Variants in RANBP2 observed in about 807,000 individuals in gnomAD.
The protein encoded by RANBP2 is E3 SUMO-protein ligase RanBP2.
Under a neutral mutation model 303.6 loss-of-function variants are expected in RANBP2, and 57 were observed. The ratio of observed to expected loss-of-function variants is 0.19; its 90% confidence interval spans 0.15 to 0.23. The LOEUF (loss-of-function observed/expected upper bound fraction) is 0.23. Ranked by LOEUF, RANBP2 falls within the 10% of genes least tolerant of loss-of-function variation. The pLI is 1.00. For missense variants in RANBP2, 3,138 were observed against 3,780.8 expected (o/e 0.83, Z 4.46); for synonymous variants, 1,167 against 1,301.5 (o/e 0.90, Z 2.23).
chr2:109,517,810 G>A, the RANBP2 span, among the ~76,000 whole-genome samples: 6 of 152,240 alleles, frequency 3.9e-5, no homozygotes. Flanking sequence ...CAAACACGAG[G>A]CCTGGTGTTC....
At chr2:108,949,063 G>A in the RANBP2 span, among the ~76,000 whole-genome samples, 1 of 152,148 alleles carries the variant, frequency 6.6e-6, no homozygotes, top group African/African-American at 2.4e-5. Context: ...CTGCAGTCTC[G>A]ACCTCCAGAG....
the RANBP2 span, among the ~76,000 whole-genome samples, chr2:109,302,483 C>T: frequency 6.6e-6 from 1 of 152,244 alleles, no homozygotes; most frequent in African/African-American, 2.4e-5. Context: ...CTCTTAGGGC[C>T]CCCATAGGGG....
chr2:108,846,326 C>T, the RANBP2 span, among the ~76,000 whole-genome samples: 1 of 152,080 alleles, frequency 6.6e-6, no homozygotes, highest in Admixed American at 6.6e-5. Flanking sequence ...ATATTTTCAA[C>T]TTTAAATTAG....
the RANBP2 span, among the ~76,000 whole-genome samples, chr2:109,098,108 A>T: frequency 6.6e-6 from 1 of 152,276 alleles, no homozygotes; most frequent in Admixed American, 6.5e-5. Context: ...TCAGGACTCT[A>T]TCACAGTTGT....
At chr2:109,134,752 A>C in the RANBP2 span, among the ~76,000 whole-genome samples, 1 of 152,202 alleles carries the variant, frequency 6.6e-6, no homozygotes, top group Non-Finnish European at 1.5e-5. Flanking sequence ...TGGTAGCACG[A>C]TTCTAAACAT....
chr2:108,764,754 A>G lies in RANBP2; in HGVS notation c.4215A>G (p.Gln1405=). The G allele has an allele frequency of 6.2e-7, 1 of 1,614,096 alleles. No individual in the cohort carries two copies. Among genetic ancestry groups the G allele is most frequent in the Non-Finnish European group, 8.5e-7 (1 of 1,179,986 alleles). The part of the protein sequence containing the change: ...FTPKTSPENV[Q]DRFALVTPKK... ...CTAAAACCAGCCCAGAGAATGTTCA[A>G]GATCGATTTGCATTGGTGACTCCAA... The change falls in exon 20 of 29, where the codon CAA becomes CAG. Residue 1405 remains glutamine, a synonymous_variant. Transcript: ENST00000283195.
At chr2:109,059,673 G>A in the RANBP2 span, among the ~76,000 whole-genome samples, 6 of 152,090 alleles carry the variant, frequency 3.9e-5, no homozygotes, top group African/African-American at 1.4e-4. Context: ...CTCTGGCACT[G>A]TGGCACTGTG....
At chr2:109,150,194 A>G in the RANBP2 span, among the ~76,000 whole-genome samples, 1 of 152,156 alleles carries the variant, frequency 6.6e-6, no homozygotes, top group African/African-American at 2.4e-5. Flanking sequence ...CACCTGGAAG[A>G]TGAGTTGGAC....
At chr2:109,207,198 G>A in the RANBP2 span, among the ~76,000 whole-genome samples, 9 of 152,168 alleles carry the variant, frequency 5.9e-5, no homozygotes, top group Non-Finnish European at 1.2e-4. Context: ...CTCATCTTGT[G>A]CAAACAGGTC....
chr2:109,067,805 C>T, the RANBP2 span, among the ~76,000 whole-genome samples: 1 of 152,184 alleles, frequency 6.6e-6, no homozygotes, highest in Admixed American at 6.5e-5. Flanking sequence ...AGTCCACTAG[C>T]TAATGCTGTG....
At chr2:108,953,237 G>C in the RANBP2 span, among the ~76,000 whole-genome samples, 3 of 152,250 alleles carry the variant, frequency 2.0e-5, no homozygotes, top group African/African-American at 7.2e-5. Context: ...TTATCCCTGT[G>C]AGGCATCTGA....
the RANBP2 span, chr2:108,930,282 T>C: frequency 6.2e-7 from 1 of 1,613,382 alleles, no homozygotes; most frequent in Non-Finnish European, 8.5e-7. Flanking sequence ...CGTACCTCCT[T>C]AGAAACACAT....
the RANBP2 span, among the ~76,000 whole-genome samples, chr2:109,023,214 C>T: frequency 6.6e-6 from 1 of 152,184 alleles, no homozygotes; most frequent in Non-Finnish European, 1.5e-5. Flanking sequence ...TGCAACAGCG[C>T]AGGCTGCGTT....
At chr2:109,073,300 G>C in the RANBP2 span, among the ~76,000 whole-genome samples, 1 of 152,108 alleles carries the variant, frequency 6.6e-6, no homozygotes, top group Non-Finnish European at 1.5e-5. Flanking sequence ...TAGCAGACTA[G>C]GTGAACTGAA....
the RANBP2 span, chr2:109,594,560 A>G: frequency 6.6e-6 from 1 of 151,306 alleles, no homozygotes; most frequent in Admixed American, 6.6e-5. Flanking sequence ...TCCTCTGTAT[A>G]CTACAGTGTG....
chr2:108,856,779 A>G, the RANBP2 span: 12 of 1,609,540 alleles, frequency 7.5e-6, no homozygotes, highest in Middle Eastern at 1.6e-4. Flanking sequence ...TTGATTGTAC[A>G]TAACTATTTT....
chr2:109,317,890 T>C, the RANBP2 span, among the ~76,000 whole-genome samples: 1 of 142,388 alleles, frequency 7.0e-6, no homozygotes, highest in East Asian at 3.1e-4. Flanking sequence ...AGAGGAAAGA[T>C]GTATGTGGCC....
chr2:109,171,142 A>C, the RANBP2 span, among the ~76,000 whole-genome samples: 1 of 152,144 alleles, frequency 6.6e-6, no homozygotes, highest in African/African-American at 2.4e-5. Flanking sequence ...TAGATCATTC[A>C]GGTTTTGTTT....
chr2:109,670,534 C>A, the RANBP2 span, among the ~76,000 whole-genome samples: 9 of 152,232 alleles, frequency 5.9e-5, 1 homozygote, highest in South Asian at 1.9e-3. Flanking sequence ...GACTGCACTG[C>A]CAGTGGCGGG....
Sources: allele counts gnomAD v4.1 joint callset (sites outside exome capture counted in the v4.1 genomes callset), GRCh38; gene constraint gnomAD v4.1.1; transcripts MANE v1.5; gene names NCBI Gene and HGNC (gene_info 2026-07-23, HGNC 2026-07-21).